Variants in PCDHAC1 observed in about 807,000 individuals in gnomAD.
PCDHAC1 encodes the protein protocadherin alpha subfamily C, 1.
In PCDHAC1, 42 loss-of-function variants were observed where a neutral mutation model predicts 60.0. The ratio of observed to expected loss-of-function variants is 0.70; its 90% CI spans 0.55 to 0.90. PCDHAC1 has a LOEUF of 0.90. Among genes scored for constraint, PCDHAC1 ranks in the 40% least tolerant of loss-of-function variants. The pLI, the probability that PCDHAC1 is intolerant of heterozygous loss-of-function variation, is 0.00. For synonymous variants in PCDHAC1, 468 were observed against 499.3 expected, an observed-to-expected ratio of 0.94 and a Z score of 0.84; for missense variants, 1,160 against 1,222.3, an observed-to-expected ratio of 0.95 and a Z score of 0.76.
Position 140,928,744 on chromosome 5 carries a change from C to T in PCDHAC1, c.1852C>T (p.Leu618Phe), listed in dbSNP as rs143875858. 3 of 1,614,144 alleles carry T rather than the reference C, an allele frequency of 1.9e-6. No homozygotes were observed. Among genetic ancestry groups the T allele is most frequent in the Admixed American group, 3.3e-5 (2 of 60,022 alleles). ...LFRISANIGE[L>F]RTARLVLPTD... is the part of the protein sequence containing the mutation. ...TAGAATTTCAGCCAATATAGGTGAG[C>T]TCCGTACTGCTCGCTTAGTTCTTCC... The change falls in exon 1 of 4, where the codon CTC becomes TTC. Residue 618 changes from leucine to phenylalanine, a missense_variant. Coordinates refer to ENST00000253807, the MANE Select transcript of PCDHAC1 (RefSeq NM_018898.5).
intron 3 of PCDHAC1, among the ~76,000 whole-genome samples, chr5:141,000,481 G>A (rs1475922134): frequency 1.5e-5 from 2 of 133,428 alleles, no homozygotes; most frequent in African/African-American, 2.8e-5. Context: ...AAGCTGGAGT[G>A]CAATGGTAAG....
intron 1 of PCDHAC1, among the ~76,000 whole-genome samples, chr5:140,970,698 A>G (rs2096425914): frequency 6.6e-6 from 1 of 152,228 alleles, no homozygotes; most frequent in Non-Finnish European, 1.5e-5. Flanking sequence ...TTTTAGAGCT[A>G]CTACACAATG....
At position 140,926,914 on chromosome 5, in the gene PCDHAC1, G is replaced by A. The variant is rs1563085125; in HGVS notation, c.22G>A (p.Val8Ile). Residue 8 changes from valine to isoleucine, a missense_variant, in exon 1 of 4, where the codon GTT becomes ATT. Around this residue, in one of 3 missense-constraint regions of PCDHAC1, gnomAD observed 43 missense variants for 40.4 expected, o/e 1.06. Transcript: ENST00000253807. The part of the protein sequence containing the change: MVGCGVA[V>I]LCLWVSCGAA... ...GAGGATGGTGGGCTGTGGGGTGGCAGTTTTATGTTTGTGGGTTTCCTGCGG... is the reference window on the plus strand; with the variant it reads ...GAGGATGGTGGGCTGTGGGGTGGCAATTTTATGTTTGTGGGTTTCCTGCGG... 4.5e-6 allele frequency: 7 copies of A among 1,565,570 alleles called. No individual in the cohort carries two copies. The highest frequency in any genetic ancestry group is 1.4e-5 in the African/African-American group (1 of 73,722).
At chr5:141,005,436 G>T (rs1554260042) in intron 3 of PCDHAC1, among the ~76,000 whole-genome samples, 2 of 152,080 alleles carry the variant, frequency 1.3e-5, no homozygotes, top group East Asian at 1.9e-4. Flanking sequence ...TGGATGAGAG[G>T]CTCACGCCTG....
intron 1 of PCDHAC1, among the ~76,000 whole-genome samples, chr5:140,940,306 T>C (rs2092590981): frequency 6.6e-6 from 1 of 152,200 alleles, no homozygotes; most frequent in Non-Finnish European, 1.5e-5. Context: ...TAATTTATTA[T>C]CTTTCTTCCA....
chr5:140,987,040 C>G (rs916995346), intron 3 of PCDHAC1, among the ~76,000 whole-genome samples: 1 of 151,880 alleles, frequency 6.6e-6, no homozygotes, highest in Non-Finnish European at 1.5e-5. Flanking sequence ...ATGGCGAAAC[C>G]CCATCTCTAC....
intron 3 of PCDHAC1, among the ~76,000 whole-genome samples, chr5:140,992,017 CTG>C (rs10602499): frequency 0.14 from 19,772 of 145,244 alleles, 1,405 homozygotes; most frequent in African/African-American, 0.18. Flanking sequence ...AGAGGTGGCT[CTG>C]TGTGTGTGTG....
At chr5:140,980,607 C>T (rs1471918192) in intron 2 of PCDHAC1, among the ~76,000 whole-genome samples, 5 of 151,334 alleles carry the variant, frequency 3.3e-5, no homozygotes, top group Non-Finnish European at 7.4e-5. Context: ...TCCAGCCTGG[C>T]GACAGTGCGA....
At chr5:140,967,980 A>C in intron 1 of PCDHAC1, 1 of 1,614,198 alleles carries the variant, frequency 6.2e-7, no homozygotes, top group South Asian at 1.1e-5. Context: ...CTGGGTCTGG[A>C]GGCCACACTG....
chr5:140,966,501 C>A (rs993120522), intron 1 of PCDHAC1: 8 of 436,558 alleles, frequency 1.8e-5, no homozygotes, highest in Admixed American at 8.7e-5. Flanking sequence ...GGAGCTGTAG[C>A]GGCAGCAGCA....
Position 140,927,771 on chromosome 5 carries a change from G to C in PCDHAC1, c.879G>C (p.Val293=). 1 of 1,614,210 alleles carries C rather than the reference G, an allele frequency of 6.2e-7. No individual in the cohort carries two copies. The highest frequency in any genetic ancestry group is 8.5e-7 in the Non-Finnish European group (1 of 1,180,044). Residue 293 remains valine (V), a synonymous_variant, in exon 1 of 4, where the codon GTG becomes GTC. Transcript: ENST00000253807. ...ACGTGCACCCTAAAAGTGGGGAGGTGCAAGTAGCTGCTTCACTAGGTCCGC... is the reference window on the plus strand; with the variant it reads ...ACGTGCACCCTAAAAGTGGGGAGGTCCAAGTAGCTGCTTCACTAGGTCCGC... ...RFHVHPKSGE[V]QVAASLGPPE... is the part of the protein sequence containing the mutation.
chr5:140,968,927 T>C (rs1554231254), intron 1 of PCDHAC1: 3 of 1,614,090 alleles, frequency 1.9e-6, no homozygotes, highest in African/African-American at 1.3e-5. Flanking sequence ...TATATTTCTT[T>C]TGACAATCAT....
chr5:140,985,859 C>T (rs2153837183), intron 3 of PCDHAC1, among the ~76,000 whole-genome samples: 1 of 151,736 alleles, frequency 6.6e-6, no homozygotes, highest in African/African-American at 2.4e-5. Context: ...CCTGCCTCAG[C>T]CTCCTGAGTA....
At chr5:141,002,456 A>G (rs2098081347) in intron 3 of PCDHAC1, among the ~76,000 whole-genome samples, 1 of 152,242 alleles carries the variant, frequency 6.6e-6, no homozygotes, top group Non-Finnish European at 1.5e-5. Context: ...GCACATTTGT[A>G]TAACGCTTTA....
In PCDHAC1 at chr5:140,929,257, C is replaced by T; in HGVS notation, c.2365C>T (p.Leu789=). 2 of 1,612,972 alleles carry T rather than the reference C, an allele frequency of 1.2e-6. No individual in the cohort carries two copies. Among genetic ancestry groups the T allele is most frequent in the Non-Finnish European group, 1.7e-6 (2 of 1,179,226 alleles). The change falls in exon 1 of 4, where the codon CTG becomes TTG. Residue 789 remains leucine, a synonymous_variant. Transcript: ENST00000253807. ...GCGAAATCTTGCCACTGGGGTAGGA[C>T]TGAATTTGCCAATATCCTGTATTCA... ...DLRNLATGVG[L]NLPISCIQIR...
At chr5:140,947,957 A>G (rs2094196859) in intron 1 of PCDHAC1, among the ~76,000 whole-genome samples, 1 of 151,542 alleles carries the variant, frequency 6.6e-6, no homozygotes, top group African/African-American at 2.4e-5. Flanking sequence ...ATATTTTACA[A>G]TTAAGTATGT....
chr5:140,996,691 C>A (rs150925396), intron 3 of PCDHAC1, among the ~76,000 whole-genome samples: 217 of 152,274 alleles, frequency 1.4e-3, no homozygotes, highest in African/African-American at 5.0e-3. Context: ...TAGTATTCTT[C>A]TGAACCTCTA....
At chr5:140,952,351 AAAAG>A (rs1316352142) in intron 1 of PCDHAC1, among the ~76,000 whole-genome samples, 25 of 120,612 alleles carry the variant, frequency 2.1e-4, no homozygotes, top group Non-Finnish European at 3.5e-4. Context: ...AAAAAAAAAA[AAAAG>A]AAAGAAAGAA....
intron 1 of PCDHAC1, chr5:140,929,609 A>G: frequency 2.4e-6 from 1 of 410,256 alleles, no homozygotes; most frequent in Non-Finnish European, 4.4e-6. Flanking sequence ...TAAAAATAAA[A>G]TACCAAAATA....
Sources: gnomAD v4.1 joint callset for allele counts (sites outside exome capture counted in the v4.1 genomes callset) on GRCh38, gnomAD v4.1.1 for gene constraint, gnomAD v4.1.1 regional missense constraint, MANE v1.5 for transcripts, NCBI Gene and HGNC (gene_info 2026-07-23, HGNC 2026-07-21) for gene names.